The following PLSCR2 variants were observed in gnomAD, a reference collection of about 807,000 sequenced individuals.
The protein encoded by PLSCR2 is phospholipid scramblase 2.
PLSCR2 carries 18 observed loss-of-function variants against 25.3 expected under a neutral mutation model. The ratio of observed to expected loss-of-function variants is 0.71; its 90% CI spans 0.49 to 1.06. The LOEUF (loss-of-function observed/expected upper bound fraction) is 1.06. PLSCR2 is among the 50% of genes least tolerant of loss of function. The probability of loss-of-function intolerance (pLI) is 0.00; values close to 1 mark genes in which losing one functional copy is unlikely to be tolerated. For missense variants in PLSCR2, 243 were observed against 269.5 expected (o/e 0.90, Z 0.69); for synonymous variants, 88 against 87.3 (o/e 1.01, Z -0.04).
At chr3:146,488,978 T>C (rs1325909899) in intron 1 of PLSCR2, among the ~76,000 whole-genome samples, 4 of 152,162 alleles carry the variant, frequency 2.6e-5, no homozygotes, top group Non-Finnish European at 4.4e-5. Flanking sequence ...CATGGAATAC[T>C]ACGCAGCCAT....
rs577370328 is a variant in PLSCR2, at chr3:146,453,922, T to A, written c.483+80A>T. ...TGAGACATCAGTACACAATACTAAT[T>A]TAAGGCATTCATAATATTCTGCAAA... On this transcript the variant is annotated intron_variant, in intron 5 of 6. Transcript: ENST00000610787. 582 of 1,151,156 alleles carry A rather than the reference T, an allele frequency of 5.1e-4. 5 individuals carry two copies. In the African/African-American group the frequency reaches 8.6e-3, roughly 17 times the overall value. The allele number at this position is 1,151,156 out of a possible 1,614,324, so 71.3% of individuals were successfully genotyped here. A position where few individuals can be genotyped will look rare whatever the true frequency, so the allele number is the denominator to read the frequency against.
rs146948493 is a variant in PLSCR2, at chr3:146,481,624, G to T, written c.-293+14271C>A. Among the ~76,000 whole-genome samples the T allele has an allele frequency of 3.4e-3, 514 of 152,276 alleles. 2 individuals are homozygous for T. The highest frequency in any genetic ancestry group is 0.02 in the Middle Eastern group (6 of 294). The stretch of plus-strand genomic sequence containing the variant: ...AACATTCCATGCTCATGGATAGGAA[G>T]AATCAGTATTGTGAAAATGGCCATA... On this transcript the variant is annotated intron_variant, in intron 1 of 8. Transcript: ENST00000336685.
exon 4 of PLSCR2, chr3:146,455,365 G>T (rs1286250087): frequency 6.2e-7 from 1 of 1,613,484 alleles, no homozygotes; most frequent in Non-Finnish European, 8.5e-7. Flanking sequence ...AGCAATTTCG[G>T]ATACAGAAAT....
In PLSCR2 at chr3:146,484,170, A is replaced by C. The variant is rs535241280; in HGVS notation, c.-293+11725T>G. ...CACAAGTAAAATAGCCAAATCGATG[A>C]AGCAGAAAATAAAATATCAGAGCTT... On this transcript the variant is annotated intron_variant, in intron 1 of 8. Coordinates refer to the PLSCR2 transcript ENST00000336685. 7.9e-5 allele frequency among the ~76,000 whole-genome samples: 12 copies of C among 151,346 alleles called. No individual in the cohort carries two copies. The South Asian group carries it at 2.5e-3, about 32-fold the overall frequency.
chr3:146,429,439 G>GA (rs2039465076), downstream of PLSCR2, among the ~76,000 whole-genome samples: 1 of 152,024 alleles, frequency 6.6e-6, no homozygotes, highest in Admixed American at 6.6e-5. Flanking sequence ...TTATGCCTTA[G>GA]AAAAAAGAAC....
intron 5 of PLSCR2, among the ~76,000 whole-genome samples, chr3:146,449,792 C>T (rs1479694142): frequency 1.3e-5 from 2 of 152,078 alleles, no homozygotes; most frequent in Non-Finnish European, 2.9e-5. Flanking sequence ...AGGGAGTTTA[C>T]ACAGCTGAAT....
chr3:146,482,759 T>A (rs1005680073), intron 1 of PLSCR2, among the ~76,000 whole-genome samples: 23 of 152,206 alleles, frequency 1.5e-4, no homozygotes, highest in African/African-American at 5.5e-4. Flanking sequence ...CAGGCTGCTA[T>A]AAAGACACAT....
chr3:146,481,420 G>A (rs2043125297), intron 1 of PLSCR2, among the ~76,000 whole-genome samples: 1 of 152,136 alleles, frequency 6.6e-6, no homozygotes, highest in South Asian at 2.1e-4. Flanking sequence ...AAAATCACAA[G>A]CATTCCTATA....
intron 1 of PLSCR2, among the ~76,000 whole-genome samples, chr3:146,485,623 A>G (rs1178035442): frequency 6.6e-6 from 1 of 152,136 alleles, no homozygotes; most frequent in Non-Finnish European, 1.5e-5. Flanking sequence ...AGCACAATCA[A>G]ATTAAAACTC....
chr3:146,415,368 C>G (rs556799168), intron 2 of PLSCR2, among the ~76,000 whole-genome samples: 10 of 151,908 alleles, frequency 6.6e-5, no homozygotes, highest in Admixed American at 5.2e-4. Context: ...TGGAAACAGG[C>G]AAATGAAAAA....
At chr3:146,495,141 TA>T (rs2043701639) in intron 1 of PLSCR2, 5 of 152,156 alleles carry the variant, frequency 3.3e-5, no homozygotes. Context: ...ACATATTTCA[TA>T]TACATGGTGA....
intron 2 of PLSCR2, among the ~76,000 whole-genome samples, chr3:146,409,857 G>T (rs904847522): frequency 2.0e-5 from 3 of 152,104 alleles, no homozygotes; most frequent in Non-Finnish European, 2.9e-5. Flanking sequence ...TCCCTGGGGG[G>T]CTGGAGTATT....
intron 1 of PLSCR2, among the ~76,000 whole-genome samples, chr3:146,475,038 C>G (rs1222604941): frequency 6.6e-6 from 1 of 151,964 alleles, no homozygotes; most frequent in Non-Finnish European, 1.5e-5. Context: ...AGCAATTCCT[C>G]TAATCTTTTA....
At chr3:146,475,345 G>A (rs2042250731) in intron 1 of PLSCR2, among the ~76,000 whole-genome samples, 1 of 151,734 alleles carries the variant, frequency 6.6e-6, no homozygotes, top group African/African-American at 2.4e-5. Flanking sequence ...ATTTTGTGGG[G>A]GCCATTTTTG....
chr3:146,439,068 A>C (rs2040069011), downstream of PLSCR2, among the ~76,000 whole-genome samples: 2 of 152,324 alleles, frequency 1.3e-5, no homozygotes, highest in South Asian at 4.2e-4. Flanking sequence ...TACTGGGTTG[A>C]AAATTCTTTT....
downstream of PLSCR2, among the ~76,000 whole-genome samples, chr3:146,432,787 C>T (rs2039595834): frequency 6.6e-6 from 1 of 152,088 alleles, no homozygotes; most frequent in Non-Finnish European, 1.5e-5. Context: ...TATTCTATTA[C>T]TACCTAAAAA....
At chr3:146,427,503 C>T (rs1412713831) in intron 2 of PLSCR2, among the ~76,000 whole-genome samples, 1 of 152,176 alleles carries the variant, frequency 6.6e-6, no homozygotes, top group Non-Finnish European at 1.5e-5. Flanking sequence ...ATTATCTAGC[C>T]TTCCTTCACA....
chr3:146,399,994 T>A (rs1007906778), intron 2 of PLSCR2, among the ~76,000 whole-genome samples: 5 of 151,758 alleles, frequency 3.3e-5, no homozygotes, highest in Admixed American at 3.3e-4. Flanking sequence ...AAAACCACTG[T>A]CAAATTCTTT....
At chr3:146,433,685 T>C (rs1289529449) in intron 8 of PLSCR2, among the ~76,000 whole-genome samples, 168 bp from the exon 8 acceptor site, 1 of 152,166 alleles carries the variant, frequency 6.6e-6, no homozygotes, top group Non-Finnish European at 1.5e-5. Context: ...TCCACTTGAC[T>C]TGGCATACTG....
Sources: gnomAD v4.1 joint callset for allele counts (sites outside exome capture counted in the v4.1 genomes callset) on GRCh38, gnomAD v4.1.1 for gene constraint, MANE v1.5 for transcripts, NCBI Gene and HGNC (gene_info 2026-07-23, HGNC 2026-07-21) for gene names.